Variants in KCNMA1 observed in about 807,000 individuals in gnomAD.
KCNMA1 encodes the protein Calcium-activated potassium channel subunit alpha-1.
Under a neutral mutation model 140.0 loss-of-function variants are expected in KCNMA1, and 29 were observed. The observed-to-expected ratio is 0.21, with a 90% confidence interval of 0.15 to 0.28. KCNMA1 has a LOEUF of 0.28. Ranked by LOEUF, KCNMA1 falls within the 10% of genes least tolerant of loss-of-function variation. The pLI is 1.00. For missense variants in KCNMA1, 880 were observed against 1,602.2 expected, an observed-to-expected ratio of 0.55 and a Z score of 7.70; for synonymous variants, 612 against 611.9, an observed-to-expected ratio of 1.00 and a Z score of 0.00.
At chr10:77,051,246 T>A (rs954479310) in intron 14 of KCNMA1, among the ~76,000 whole-genome samples, 2 of 152,170 alleles carry the variant, frequency 1.3e-5, no homozygotes, top group African/African-American at 2.4e-5. Flanking sequence ...CGCCATACAA[T>A]ATGGCCTAAT....
intron 1 of KCNMA1, among the ~76,000 whole-genome samples, chr10:77,413,547 A>G (rs2096668154): frequency 1.3e-5 from 2 of 152,144 alleles, no homozygotes; most frequent in African/African-American, 4.8e-5. Flanking sequence ...TTTTCATGGC[A>G]AGAGTTCTGC....
intron 23 of KCNMA1, among the ~76,000 whole-genome samples, chr10:76,920,020 GTATATATATATATA>G (rs1169838049): frequency 5.8e-5 from 2 of 34,432 alleles, no homozygotes; most frequent in Non-Finnish European, 1.1e-4. Context: ...GTGTGTGTGT[GTATATATATATATA>G]TATATATATA....
At chr10:77,252,554 T>C (rs867796531) in intron 2 of KCNMA1, among the ~76,000 whole-genome samples, 2 of 151,838 alleles carry the variant, frequency 1.3e-5, no homozygotes, top group South Asian at 4.2e-4. Flanking sequence ...TGTGTGTGTG[T>C]GTGCGGGCAC....
intron 14 of KCNMA1, among the ~76,000 whole-genome samples, chr10:77,048,539 T>C (rs2095216616): frequency 6.6e-6 from 1 of 152,220 alleles, no homozygotes; most frequent in African/African-American, 2.4e-5. Flanking sequence ...GTGGGAAATG[T>C]TGAAGGCACA....
At chr10:77,542,866 T>C (rs1419170208) in intron 1 of KCNMA1, among the ~76,000 whole-genome samples, 1 of 152,168 alleles carries the variant, frequency 6.6e-6, no homozygotes, top group Non-Finnish European at 1.5e-5. Context: ...TTCTCACTAA[T>C]TACTATATAT....
intron 20 of KCNMA1, among the ~76,000 whole-genome samples, chr10:76,955,723 T>A (rs1591851302): frequency 6.6e-6 from 1 of 152,282 alleles, no homozygotes; most frequent in South Asian, 2.1e-4. Context: ...GAGAGCACAT[T>A]TTGAGGGATG....
At chr10:77,526,313 A>T (rs1440687455) in intron 1 of KCNMA1, among the ~76,000 whole-genome samples, 1 of 152,198 alleles carries the variant, frequency 6.6e-6, no homozygotes, top group Non-Finnish European at 1.5e-5. Context: ...CTTGATCATT[A>T]GTAATCAAAA....
At chr10:77,186,361 C>CA (rs1169298514) in intron 3 of KCNMA1, among the ~76,000 whole-genome samples, 17 of 131,276 alleles carry the variant, frequency 1.3e-4, no homozygotes, top group South Asian at 2.8e-4. Context: ...AAAAACAGTT[C>CA]AAAAAAAAAC....
intron 23 of KCNMA1, among the ~76,000 whole-genome samples, chr10:76,938,087 C>G (rs555479786): frequency 9.5e-5 from 13 of 137,264 alleles, no homozygotes; most frequent in African/African-American, 3.2e-4. Flanking sequence ...TTTTCCTCTA[C>G]CCTCTCTTTC....
intron 2 of KCNMA1, among the ~76,000 whole-genome samples, chr10:77,283,860 T>C (rs887467429): frequency 6.6e-6 from 1 of 152,090 alleles, no homozygotes; most frequent in African/African-American, 2.4e-5. Flanking sequence ...TGGAAGAACA[T>C]AACACAATTC....
At chr10:76,967,182 C>T (rs1000460122) in intron 20 of KCNMA1, among the ~76,000 whole-genome samples, 7 of 152,192 alleles carry the variant, frequency 4.6e-5, no homozygotes, top group African/African-American at 7.2e-5. Flanking sequence ...CTATTCCTGT[C>T]ACTGCCCATA....
At chr10:77,440,626 A>G (rs182179821) in intron 1 of KCNMA1, among the ~76,000 whole-genome samples, 2 of 152,312 alleles carry the variant, frequency 1.3e-5, no homozygotes, top group East Asian at 3.9e-4. Context: ...TTAATTGTCA[A>G]ATGAAAGTGT....
intron 23 of KCNMA1, among the ~76,000 whole-genome samples, chr10:76,923,371 G>A (rs1415418180): frequency 6.6e-6 from 1 of 151,350 alleles, no homozygotes; most frequent in Non-Finnish European, 1.5e-5. Flanking sequence ...AGAGCTTGCA[G>A]TGAGCTGAGA....
chr10:77,425,030 G>A (rs765218561), intron 1 of KCNMA1, among the ~76,000 whole-genome samples: 3 of 152,164 alleles, frequency 2.0e-5, no homozygotes, highest in Non-Finnish European at 2.9e-5. Flanking sequence ...CACCTGGGAG[G>A]TATGTGCTGA....
intron 14 of KCNMA1, among the ~76,000 whole-genome samples, chr10:77,069,903 C>T (rs1413519147): frequency 1.3e-5 from 2 of 152,138 alleles, no homozygotes; most frequent in African/African-American, 4.8e-5. Context: ...GCGACCTCCG[C>T]CTCCTGGGTT....
chr10:77,150,993 T>G (rs2098406193), intron 5 of KCNMA1, among the ~76,000 whole-genome samples: 1 of 152,188 alleles, frequency 6.6e-6, no homozygotes, highest in Non-Finnish European at 1.5e-5. Context: ...GCTCTCTGCC[T>G]CTGGAGGTCA....
intron 6 of KCNMA1, among the ~76,000 whole-genome samples, chr10:77,116,304 A>G (rs1393350718): frequency 6.6e-6 from 1 of 152,156 alleles, no homozygotes; most frequent in Non-Finnish European, 1.5e-5. Flanking sequence ...GGATTCTTGT[A>G]GATTAGAGAC....
intron 2 of KCNMA1, among the ~76,000 whole-genome samples, chr10:77,253,281 C>T (rs1045612418): frequency 6.6e-6 from 1 of 152,174 alleles, no homozygotes; most frequent in African/African-American, 2.4e-5. Context: ...CATTTGGCTC[C>T]CTGTGTGTGT....
chr10:77,238,948 T>A (rs1489498114), intron 3 of KCNMA1, among the ~76,000 whole-genome samples: 1 of 152,182 alleles, frequency 6.6e-6, no homozygotes, highest in African/African-American at 2.4e-5. Context: ...ATAATTTTAC[T>A]TGCTGTAGCT....
Sources: gnomAD v4.1 joint callset for allele counts (sites outside exome capture counted in the v4.1 genomes callset) on GRCh38, gnomAD v4.1.1 for gene constraint, MANE v1.5 for transcripts, NCBI Gene and HGNC (gene_info 2026-07-23, HGNC 2026-07-21) for gene names.